RAB22A: variants seen among roughly 807,000 people sequenced by gnomAD.
RAB22A encodes ras-related protein Rab-22A.
RAB22A carries 13 observed loss-of-function variants against 30.2 expected under a neutral mutation model. The ratio of observed to expected loss-of-function variants is 0.43; its 90% CI spans 0.28 to 0.68. The LOEUF (loss-of-function observed/expected upper bound fraction) is 0.68. RAB22A is among the 30% of genes least tolerant of loss of function. RAB22A has a pLI of 0.18. For missense variants in RAB22A, 177 were observed against 246.8 expected (o/e 0.72, Z 1.89); for synonymous variants, 89 against 87.2 (o/e 1.02, Z -0.11).
At chr20:58,343,056 C>T (rs1452570541) in intron 2 of RAB22A, among the ~76,000 whole-genome samples, 1 of 152,176 alleles carries the variant, frequency 6.6e-6, no homozygotes, top group Admixed American at 6.5e-5. Flanking sequence ...ACCTGCAAAC[C>T]ATGATTCCTT....
intron 2 of RAB22A, among the ~76,000 whole-genome samples, chr20:58,320,480 A>G (rs1352681292): frequency 6.6e-6 from 1 of 152,006 alleles, no homozygotes; most frequent in Admixed American, 6.5e-5. Context: ...GAGCCTTCTC[A>G]CTTCTTTTTC....
At position 58,310,916 on chromosome 20, in the gene RAB22A, C is replaced by T; in HGVS notation, c.37-127C>T. ...TTTTTATGACAACCGCTTTTGTGTT[C>T]CTCCGTTTATAAAATTTACACGTCT... On this transcript the variant is annotated intron_variant, in intron 1 of 6. Transcript: ENST00000244040. 3 of 747,260 alleles carry T rather than the reference C, an allele frequency of 4.0e-6. 1 individual carries two copies. The highest frequency in any genetic ancestry group is 3.2e-5 in the South Asian group (2 of 62,370). The allele number at this position is 747,260 out of a possible 1,614,324, so 46.3% of individuals were successfully genotyped here.
chr20:58,353,663 G>A (rs1987088635), intron 5 of RAB22A, 125 bp downstream of exon 5: 2 of 844,286 alleles, frequency 2.4e-6, no homozygotes, highest in Admixed American at 5.9e-5. Context: ...TTGGTTGTGT[G>A]GTTGGAGTCC....
chr20:58,336,356 G>A (rs1986753999), intron 2 of RAB22A, among the ~76,000 whole-genome samples: 1 of 152,058 alleles, frequency 6.6e-6, no homozygotes. Context: ...CAGCCTTGCT[G>A]TTCTTTTTGA....
chr20:58,332,455 A>G (rs1986678164), intron 2 of RAB22A, among the ~76,000 whole-genome samples: 1 of 152,194 alleles, frequency 6.6e-6, no homozygotes, highest in Non-Finnish European at 1.5e-5. Context: ...GTGGAGCTGC[A>G]AAGCAAAGGA....
intron 2 of RAB22A, among the ~76,000 whole-genome samples, chr20:58,336,668 A>G (rs971321713): frequency 6.6e-6 from 1 of 152,252 alleles, no homozygotes; most frequent in Non-Finnish European, 1.5e-5. Context: ...CATAATGCAA[A>G]TGGTACATAG....
intron 2 of RAB22A, among the ~76,000 whole-genome samples, chr20:58,311,737 A>G (rs969209489): frequency 6.6e-6 from 1 of 152,260 alleles, no homozygotes; most frequent in Admixed American, 6.5e-5. Flanking sequence ...TTAACCTTAT[A>G]AAACTAAATA....
At chr20:58,325,539 C>A (rs1234407003) in intron 2 of RAB22A, among the ~76,000 whole-genome samples, 3 of 151,180 alleles carry the variant, frequency 2.0e-5, no homozygotes, top group Non-Finnish European at 3.0e-5. Flanking sequence ...TTTTATAGAT[C>A]ATTTCATCAT....
At chr20:58,314,130 C>T (rs747050731) in intron 2 of RAB22A, among the ~76,000 whole-genome samples, 2 of 151,352 alleles carry the variant, frequency 1.3e-5, no homozygotes, top group Non-Finnish European at 2.9e-5. Flanking sequence ...CTCACTGCAA[C>T]CTCTGCCTCC....
In RAB22A at chr20:58,309,959, GC is replaced by G; in HGVS notation, c.-14del. 4.0e-6 allele frequency: 5 copies of G among 1,264,894 alleles called. No individual in the cohort carries two copies. Among genetic ancestry groups the G allele is most frequent in the Non-Finnish European group, 5.0e-6 (5 of 997,614 alleles). 78.4% of individuals were successfully genotyped at this position (1,264,894 alleles called of 1,614,324 possible). On this transcript the variant is annotated 5_prime_UTR_variant, in exon 1 of 7. Coordinates refer to ENST00000244040, the MANE Select transcript of RAB22A (RefSeq NM_020673.3). ...CAACTTAGGGCGGCGGCGGGCCCGCGCCCCTGGCTCCCGGGCCATGGCGCTG... is the reference window on the plus strand; with the variant it reads ...CAACTTAGGGCGGCGGCGGGCCCGCGCCCTGGCTCCCGGGCCATGGCGCTG...
chr20:58,351,389 T>G (rs570927966), intron 3 of RAB22A, among the ~76,000 whole-genome samples: 13 of 151,176 alleles, frequency 8.6e-5, no homozygotes, highest in Non-Finnish European at 1.6e-4. Context: ...AAGCAACAAC[T>G]TAAAAAATAA....
chr20:58,336,240 G>C (rs1352029550), intron 2 of RAB22A, among the ~76,000 whole-genome samples: 2 of 152,166 alleles, frequency 1.3e-5, no homozygotes, highest in Non-Finnish European at 2.9e-5. Context: ...TCGTACTCCT[G>C]ACCTCAAGTG....
rs946917460 is a variant in RAB22A at position 58,309,813 on chromosome 20, C to T, written c.-164C>T. The T allele has an allele frequency of 7.0e-6, 4 of 572,730 alleles. No homozygotes were observed. The highest frequency in any genetic ancestry group is 3.9e-5 in the East Asian group (1 of 25,824). 35.5% of individuals were successfully genotyped at this position (572,730 alleles called of 1,614,324 possible). On this transcript the variant is annotated 5_prime_UTR_variant, in exon 1 of 7. Coordinates refer to ENST00000244040, the MANE Select transcript of RAB22A (RefSeq NM_020673.3). The stretch of plus-strand genomic sequence containing the variant: ...AAGGCGGGCCCCACGCGGCTGGCAG[C>T]GGACAGGCCGGACCTACGGCCGGAG...
chr20:58,311,838 T>C (rs1455807846), intron 2 of RAB22A, among the ~76,000 whole-genome samples: 1 of 152,198 alleles, frequency 6.6e-6, no homozygotes, highest in East Asian at 1.9e-4. Flanking sequence ...AGGATAAAAT[T>C]GGCCTTTGTG....
Position 58,310,181 on chromosome 20 carries a change from T to C in RAB22A, c.36+169T>C, listed in dbSNP as rs192228702. ...GAGCCGTCCCGCCCACCTCTTGCAC[T>C]CTCGAAAAGGTCCTGGAGGCCGAAG... On this transcript the variant is annotated intron_variant, in intron 1 of 6. Coordinates refer to ENST00000244040, the MANE Select transcript of RAB22A (RefSeq NM_020673.3). Among the ~76,000 whole-genome samples the C allele has an allele frequency of 2.3e-3, 337 of 146,128 alleles. 1 individual carries two copies. The highest frequency in any genetic ancestry group is 8.1e-3 in the African/African-American group (317 of 39,038).
intron 2 of RAB22A, among the ~76,000 whole-genome samples, chr20:58,318,426 T>C (rs1348801788): frequency 6.6e-6 from 1 of 152,198 alleles, no homozygotes; most frequent in Non-Finnish European, 1.5e-5. Flanking sequence ...TCTAAAACTT[T>C]TTGAGCAACA....
chr20:58,334,825 A>C (rs1209412363), intron 2 of RAB22A, among the ~76,000 whole-genome samples: 1 of 150,252 alleles, frequency 6.7e-6, no homozygotes, highest in Non-Finnish European at 1.5e-5. Flanking sequence ...CCCTGTTCTT[A>C]GGGAATAGCT....
chr20:58,339,986 A>T (rs896374174), intron 2 of RAB22A, among the ~76,000 whole-genome samples: 1 of 152,166 alleles, frequency 6.6e-6, no homozygotes, highest in African/African-American at 2.4e-5. Flanking sequence ...AGGTGTTACC[A>T]CTACGGAAAA....
rs1354306880 is a variant in RAB22A at position 58,361,235 on chromosome 20, A to C, written c.*1532A>C. On this transcript the variant is annotated 3_prime_UTR_variant, in exon 7 of 7. Coordinates refer to ENST00000244040, the MANE Select transcript of RAB22A (RefSeq NM_020673.3). ...TAGGAAATGAAACAGCTTGAATTTC[A>C]AACTAAATTGTATTTTCAGAGCTAT... 6.5e-6 allele frequency: 1 copy of C among 152,680 alleles called. No individual in the cohort carries two copies. The highest frequency in any genetic ancestry group is 1.5e-5 in the Non-Finnish European group (1 of 68,044). The allele number at this position is 152,680 out of a possible 1,614,324, so 9.5% of individuals were successfully genotyped here.
Sources: gnomAD v4.1 joint callset for allele counts (sites outside exome capture counted in the v4.1 genomes callset) on GRCh38, gnomAD v4.1.1 for gene constraint, MANE v1.5 for transcripts, NCBI Gene and HGNC (gene_info 2026-07-23, HGNC 2026-07-21) for gene names.